FKBP1A: variants seen among roughly 807,000 people sequenced by gnomAD.
FKBP1A encodes the protein peptidyl-prolyl cis-trans isomerase FKBP1A.
FKBP1A carries 5 observed loss-of-function variants against 14.2 expected under a neutral mutation model. The observed-to-expected ratio is 0.35, with a 90% CI of 0.18 to 0.74. The LOEUF is 0.74. FKBP1A is among the 30% of genes least tolerant of loss of function. The pLI is 0.56. For missense variants in FKBP1A, 53 were observed against 138.8 expected, an observed-to-expected ratio of 0.38 and a Z score of 3.10; for synonymous variants, 42 against 49.1, an observed-to-expected ratio of 0.86 and a Z score of 0.60.
chr20:1,373,140 A>G (rs2089491762), intron 3 of FKBP1A: 1 of 152,218 alleles, frequency 6.6e-6, no homozygotes, highest in African/African-American at 2.4e-5. Context: ...TCCCCTCAGA[A>G]GCTGGGACAT....
intron 2 of FKBP1A, among the ~76,000 whole-genome samples, chr20:1,376,192 G>A (rs2089541189): frequency 6.6e-6 from 1 of 152,170 alleles, no homozygotes; most frequent in African/African-American, 2.4e-5. Flanking sequence ...TATGGGATGT[G>A]GTAAGAGGAA....
At chr20:1,371,341 C>T (rs2089461943) in intron 4 of FKBP1A, among the ~76,000 whole-genome samples, 1 of 152,218 alleles carries the variant, frequency 6.6e-6, no homozygotes. Context: ...TTTGCCACTG[C>T]CTGGATGTGA....
At chr20:1,371,955 G>T (rs993384931) in intron 4 of FKBP1A, 121 bp downstream of exon 4, 5 of 1,457,874 alleles carry the variant, frequency 3.4e-6, no homozygotes, top group South Asian at 3.0e-5. Flanking sequence ...AATACAGAAA[G>T]AATGCAGGGG....
rs754422330 is a variant in FKBP1A at position 1,386,504 on chromosome 20, T to C, written c.85+6330A>G. Among the ~76,000 whole-genome samples, 1 of 152,146 alleles carries C rather than the reference T, an allele frequency of 6.6e-6. No homozygotes were observed. Among genetic ancestry groups the C allele is most frequent in the Non-Finnish European group, 1.5e-5 (1 of 68,024 alleles). The stretch of plus-strand genomic sequence containing the variant: ...TTCAGTCGGTTGGGGAAAGAGCAGA[T>C]GTTTAACTACACGGATCCTGACTAT... On this transcript the variant is annotated intron_variant, in intron 2 of 4. Transcript: ENST00000400137. This position sits in a 1 kb window ranked among gnomAD's most constrained non-coding sequence, Gnocchi z 4.7.
intron 4 of FKBP1A, chr20:1,370,946 T>C (rs1315819087): frequency 3.3e-5 from 33 of 985,360 alleles, no homozygotes; most frequent in Non-Finnish European, 4.0e-5. Flanking sequence ...AGAAACCAGT[T>C]ATCAAACTTA....
At chr20:1,370,529 A>G in intron 4 of FKBP1A, 2 of 984,704 alleles carry the variant, frequency 2.0e-6, no homozygotes, top group Non-Finnish European at 2.4e-6. Context: ...TCTCATGTGC[A>G]GTCCAGACTG....
chr20:1,386,617 T>A lies in FKBP1A; in HGVS notation c.85+6217A>T, dbSNP rs1177095832. On this transcript the variant is annotated intron_variant, in intron 2 of 4. Transcript: ENST00000400137. The surrounding 1 kb of genome is among the most constrained non-coding windows in gnomAD (Gnocchi z 4.7). ...CCAAAGTGTTACTTAAGCTGTGCTA[T>A]AAAGAAAAGAGCCTGTCATGCAGTG... 6.6e-6 allele frequency among the ~76,000 whole-genome samples: 1 copy of A among 152,176 alleles called. No individual in the cohort carries two copies. Among genetic ancestry groups the A allele is most frequent in the Non-Finnish European group, 1.5e-5 (1 of 68,040 alleles).
chr20:1,392,872 A>C lies in FKBP1A; in HGVS notation c.47T>G (p.Phe16Cys). ...ETISPGDGRT[F>C]PKRGQTCVVH... Reference sequence around the variant, plus strand: ...CACGCAGGTCTGGCCGCGCTTGGGGAAGGTGCGCCCTGAGGAGACAGAGAC... The same window carrying C: ...CACGCAGGTCTGGCCGCGCTTGGGGCAGGTGCGCCCTGAGGAGACAGAGAC... The change falls in exon 2 of 5, where the codon TTC becomes TGC. Residue 16 changes from phenylalanine (F) to cysteine (C), a missense_variant. By Grantham distance (205) the Phe-to-Cys change is radical. Around this residue, in one of 2 missense-constraint regions of FKBP1A, gnomAD observed 18 missense variants for 20.6 expected, o/e 0.87. Coordinates refer to ENST00000400137, the MANE Select transcript of FKBP1A (RefSeq NM_000801.5). 6.6e-7 allele frequency: 1 copy of C among 1,513,962 alleles called. No homozygotes were observed. The allele number at this position is 1,513,962 out of a possible 1,614,324, so 93.8% of individuals were successfully genotyped here. A position where few individuals can be genotyped will look rare whatever the true frequency, so the allele number is the denominator to read the frequency against.
intron 2 of FKBP1A, among the ~76,000 whole-genome samples, chr20:1,382,343 A>T (rs2089626606): frequency 6.6e-6 from 1 of 152,242 alleles, no homozygotes; most frequent in Admixed American, 6.5e-5. Flanking sequence ...TTTAAGCTCT[A>T]AAGGCCACTC....
chr20:1,372,727 C>T (rs1407299519), intron 3 of FKBP1A, among the ~76,000 whole-genome samples: 9 of 152,040 alleles, frequency 5.9e-5, no homozygotes, highest in Non-Finnish European at 1.2e-4. Flanking sequence ...CTCTTTTACC[C>T]ATATAGGAAA....
At chr20:1,373,382 A>T (rs1051091627) in intron 3 of FKBP1A, among the ~76,000 whole-genome samples, 1 of 152,232 alleles carries the variant, frequency 6.6e-6, no homozygotes, top group African/African-American at 2.4e-5. Context: ...GATGGATGAA[A>T]GAAAGCTGCC....
chr20:1,392,799 G>A lies in FKBP1A; in HGVS notation c.85+35C>T, dbSNP rs1234576196. 22 of 1,468,142 alleles carry A rather than the reference G, an allele frequency of 1.5e-5. 1 individual carries two copies. The highest frequency in any genetic ancestry group is 2.3e-4 in the Middle Eastern group (1 of 4,302). 90.9% of individuals were successfully genotyped at this position (1,468,142 alleles called of 1,614,324 possible). A position where few individuals can be genotyped will look rare whatever the true frequency, so the allele number is the denominator to read the frequency against. On this transcript the variant is annotated intron_variant, in intron 2 of 4. Transcript: ENST00000400137. ...AGCCGCACCCGGGCTGCGGACTGCGGCCCGGGCCCCCTCCCCGCTGGGCCC... is the reference window on the plus strand; with the variant it reads ...AGCCGCACCCGGGCTGCGGACTGCGACCCGGGCCCCCTCCCCGCTGGGCCC...
intron 4 of FKBP1A, 115 bp downstream of exon 4, chr20:1,371,960 CA>C: frequency 6.8e-7 from 1 of 1,463,296 alleles, no homozygotes; most frequent in Admixed American, 2.8e-5. Context: ...AGAAAGAATG[CA>C]GGGGGAAAAA....
chr20:1,391,916 C>T (rs1174119726), intron 2 of FKBP1A, among the ~76,000 whole-genome samples: 1 of 152,168 alleles, frequency 6.6e-6, no homozygotes, highest in African/African-American at 2.4e-5. Context: ...TCTCCGCCAA[C>T]TCAGCTCTCC....
chr20:1,375,143 T>A, intron 3 of FKBP1A: 1 of 496,072 alleles, frequency 2.0e-6, no homozygotes, highest in Non-Finnish European at 3.5e-6. Flanking sequence ...GATCCACCCA[T>A]CTTGGCCTCC....
intron 2 of FKBP1A, among the ~76,000 whole-genome samples, chr20:1,383,574 C>T (rs2089639003): frequency 1.3e-5 from 2 of 151,592 alleles, no homozygotes; most frequent in African/African-American, 4.9e-5. Context: ...CTTTGGAAGG[C>T]CAAGGCAGGA....
intron 3 of FKBP1A, chr20:1,372,963 G>A (rs1310501235): frequency 6.6e-6 from 1 of 152,212 alleles, no homozygotes; most frequent in Non-Finnish European, 1.5e-5. Context: ...ACACAAATAA[G>A]TATAAAATAT....
Position 1,388,399 on chromosome 20 carries a change from C to T in FKBP1A, c.85+4435G>A, listed in dbSNP as rs1380496745. ...CATAACAACTGCGATGAGTGAGGCT[C>T]AATGGAACTGTGGTTTTAAAAAAGA... On this transcript the variant is annotated intron_variant, in intron 2 of 4. Transcript: ENST00000400137. Among the ~76,000 whole-genome samples, 4 of 152,294 alleles carry T rather than the reference C, an allele frequency of 2.6e-5. No individual in the cohort carries two copies. The East Asian group carries it at 5.8e-4, about 22-fold the overall frequency.
At position 1,393,037 on chromosome 20, in the gene FKBP1A, G is replaced by A. The variant is rs767711358; in HGVS notation, c.-39C>T. 23 of 1,374,566 alleles carry A rather than the reference G, an allele frequency of 1.7e-5. No homozygotes were observed. Among genetic ancestry groups the A allele is most frequent in the South Asian group, 1.5e-4 (10 of 68,490 alleles). The allele number at this position is 1,374,566 out of a possible 1,614,324, so 85.1% of individuals were successfully genotyped here. On this transcript the variant is annotated 5_prime_UTR_variant, in exon 1 of 5. Coordinates refer to ENST00000400137, the MANE Select transcript of FKBP1A (RefSeq NM_000801.5). ...GCTGAGCGGGCGGGCGGCGCGACGG[G>A]CGGCGTGGACCAACAGCGACCTGGC...
Sources: gnomAD v4.1 joint callset for allele counts (sites outside exome capture counted in the v4.1 genomes callset) on GRCh38, gnomAD v4.1.1 for gene constraint, gnomAD v4.1.1 regional missense constraint, Gnocchi (gnomAD v3.1) non-coding constraint, MANE v1.5 for transcripts, NCBI Gene and HGNC (gene_info 2026-07-23, HGNC 2026-07-21) for gene names.